Variants in GRIK4 observed in about 807,000 individuals in gnomAD.
GRIK4 encodes glutamate ionotropic receptor kainate type subunit 4.
Under a neutral mutation model 104.9 loss-of-function variants are expected in GRIK4, and 40 were observed. The observed-to-expected ratio is 0.38, with a 90% CI of 0.30 to 0.50. GRIK4 has a LOEUF of 0.50. GRIK4 is among the 20% of genes least tolerant of loss of function. GRIK4 has a pLI of 0.93. For synonymous variants in GRIK4, 485 were observed against 524.9 expected, an observed-to-expected ratio of 0.92 and a Z score of 1.04; for missense variants, 1,047 against 1,308.1, an observed-to-expected ratio of 0.80 and a Z score of 3.08.
At chr11:120,687,977 T>C (rs899365940) in intron 3 of GRIK4, among the ~76,000 whole-genome samples, 3 of 152,188 alleles carry the variant, frequency 2.0e-5, no homozygotes, top group African/African-American at 4.8e-5. Context: ...AGGAGAAAAT[T>C]GGGACCCTAT....
intron 6 of GRIK4, among the ~76,000 whole-genome samples, chr11:120,829,670 C>T (rs1565378380): frequency 6.6e-6 from 1 of 152,212 alleles, no homozygotes; most frequent in Non-Finnish European, 1.5e-5. Context: ...CCGTACATCC[C>T]ACTTCCCGGC....
At chr11:120,639,226 G>A (rs1313957137) in intron 1 of GRIK4, among the ~76,000 whole-genome samples, 1 of 152,110 alleles carries the variant, frequency 6.6e-6, no homozygotes, top group Non-Finnish European at 1.5e-5. Flanking sequence ...AAAAATAAAA[G>A]CAGAGGTCAG....
At chr11:120,885,058 G>A (rs1955078539) in intron 11 of GRIK4, among the ~76,000 whole-genome samples, 1 of 152,256 alleles carries the variant, frequency 6.6e-6, no homozygotes, top group African/African-American at 2.4e-5. Context: ...CTTTCCCAAG[G>A]TACTTCTCCA....
At chr11:120,662,150 C>T (rs1233603533) in intron 3 of GRIK4, among the ~76,000 whole-genome samples, 2 of 152,178 alleles carry the variant, frequency 1.3e-5, no homozygotes, top group Non-Finnish European at 2.9e-5. Flanking sequence ...AAGCAGAAAG[C>T]GGAGCTGACA....
rs572796680 is a variant in GRIK4 at position 120,767,241 on chromosome 11, C to T, written c.83-35452C>T. Reference sequence around the variant, plus strand: ...TATCTTTTGTCTATTTGATAATAGCCATTTTTACAATTGTGAAGTGAAATC... The same window carrying T: ...TATCTTTTGTCTATTTGATAATAGCTATTTTTACAATTGTGAAGTGAAATC... On this transcript the variant is annotated intron_variant, in intron 3 of 20. Transcript: ENST00000527524. Among the ~76,000 whole-genome samples the T allele has an allele frequency of 6.6e-5, 10 of 152,220 alleles. No individual in the cohort carries two copies. The South Asian group carries it at 2.1e-3, about 32-fold the overall frequency.
chr11:120,756,040 G>C (rs1306077059), intron 3 of GRIK4, among the ~76,000 whole-genome samples: 1 of 152,140 alleles, frequency 6.6e-6, no homozygotes, highest in Non-Finnish European at 1.5e-5. Flanking sequence ...CTCCAGACCT[G>C]ACTGGATCCC....
intron 3 of GRIK4, among the ~76,000 whole-genome samples, chr11:120,793,851 C>A (rs537527801): frequency 1.5e-5 from 2 of 134,650 alleles, no homozygotes; most frequent in African/African-American, 5.9e-5. Flanking sequence ...AGGGGAAGGG[C>A]AGTGTTAGGG....
rs767669102 is a variant in GRIK4, at chr11:120,549,501, C to T, written c.-159+37614C>T. ...TAACAAACAAGGAGTGAGCCCTTCA[C>T]GGGGGGCTGCAGTGGCACCTGTGTG... is the stretch of plus-strand genomic sequence containing the variant. On this transcript the variant is annotated intron_variant, in intron 1 of 20. Transcript: ENST00000527524. The surrounding 1 kb of genome is among the most constrained non-coding windows in gnomAD (Gnocchi z 4.7). Among the ~76,000 whole-genome samples the T allele has an allele frequency of 6.6e-6, 1 of 152,184 alleles. No individual in the cohort carries two copies. Among genetic ancestry groups the T allele is most frequent in the Non-Finnish European group, 1.5e-5 (1 of 68,036 alleles).
chr11:120,802,356 C>T (rs999771455), intron 3 of GRIK4, among the ~76,000 whole-genome samples: 14 of 152,308 alleles, frequency 9.2e-5, no homozygotes, highest in Admixed American at 5.9e-4. Flanking sequence ...TTGCACAATG[C>T]CTGCTTGCCT....
In GRIK4 at chr11:120,985,907, T is replaced by A; in HGVS notation, c.2518T>A (p.Ser840Thr). ...CTGACCTCGCTGTCTCCTCCAGGTG[T>A]CCGTCTGCCAGGAGATGGTGACCGA... ...TLRHSEATEV[S>T]VCQEMVTELR... The change falls in exon 21 of 21, where the codon TCC becomes ACC. Residue 840 changes from serine to threonine, a missense_variant. Transcript: ENST00000527524. The A allele has an allele frequency of 1.3e-6, 2 of 1,551,800 alleles. No homozygotes were observed. Among genetic ancestry groups the A allele is most frequent in the Non-Finnish European group, 1.7e-6 (2 of 1,147,740 alleles).
At chr11:120,518,019 G>T (rs1235121203) in intron 1 of GRIK4, among the ~76,000 whole-genome samples, 1 of 152,230 alleles carries the variant, frequency 6.6e-6, no homozygotes, top group Non-Finnish European at 1.5e-5. Context: ...GGCAGGGGAA[G>T]CCGGTATTGG....
chr11:120,656,022 A>T (rs1949704711), intron 2 of GRIK4, among the ~76,000 whole-genome samples: 1 of 152,164 alleles, frequency 6.6e-6, no homozygotes. Context: ...GCAGGGGAGA[A>T]ACCCCCCATG....
intron 19 of GRIK4, 145 bp from the exon 20 acceptor site, chr11:120,981,960 TC>T (rs1477304174): frequency 3.0e-6 from 2 of 670,502 alleles, no homozygotes; most frequent in Non-Finnish European, 5.4e-6. Context: ...GGACTGGGTG[TC>T]TACATGTCAA....
intron 3 of GRIK4, among the ~76,000 whole-genome samples, chr11:120,780,681 C>A (rs1207453383): frequency 6.6e-6 from 1 of 152,070 alleles, no homozygotes; most frequent in Non-Finnish European, 1.5e-5. Context: ...AATTCTATTT[C>A]TAATTTTTTG....
intron 16 of GRIK4, among the ~76,000 whole-genome samples, chr11:120,958,700 G>A (rs1171921793): frequency 6.6e-6 from 1 of 152,228 alleles, no homozygotes; most frequent in Non-Finnish European, 1.5e-5. Flanking sequence ...TTTGCACTGA[G>A]CCGCTTGTGC....
chr11:120,844,326 C>T (rs1400732648), intron 8 of GRIK4, among the ~76,000 whole-genome samples: 1 of 152,214 alleles, frequency 6.6e-6, no homozygotes, highest in Non-Finnish European at 1.5e-5. Context: ...GCCACACACT[C>T]TCCCAGCACC....
chr11:120,900,964 C>T (rs1007645656), intron 12 of GRIK4, among the ~76,000 whole-genome samples: 6 of 152,148 alleles, frequency 3.9e-5, no homozygotes, highest in Non-Finnish European at 5.9e-5. Context: ...GACCTCCTTC[C>T]CGCTGTCTTC....
At chr11:120,802,935 G>A (rs778504599) in intron 4 of GRIK4, 78 bp downstream of exon 4, 172 of 1,233,174 alleles carry the variant, frequency 1.4e-4, no homozygotes, top group Non-Finnish European at 1.9e-4. Context: ...GCACCTATCA[G>A]TCACCAGGCC....
chr11:120,828,465 G>A (rs775174637), intron 6 of GRIK4, among the ~76,000 whole-genome samples: 4 of 152,104 alleles, frequency 2.6e-5, no homozygotes, highest in Non-Finnish European at 4.4e-5. Flanking sequence ...GGGTGAGTGG[G>A]AAACAAGGTT....
Sources: allele counts gnomAD v4.1 joint callset (sites outside exome capture counted in the v4.1 genomes callset), GRCh38; gene constraint gnomAD v4.1.1; non-coding constraint Gnocchi (gnomAD v3.1); transcripts MANE v1.5; gene names NCBI Gene and HGNC (gene_info 2026-07-23, HGNC 2026-07-21).